The following TFAP2E variants were observed in gnomAD, a reference collection of about 807,000 sequenced individuals.
TFAP2E encodes the protein transcription factor AP-2 epsilon.
In TFAP2E, 30 loss-of-function variants were observed where a neutral mutation model predicts 37.9. The ratio of observed to expected loss-of-function variants is 0.79; its 90% confidence interval spans 0.59 to 1.07. The LOEUF (loss-of-function observed/expected upper bound fraction) is 1.07. Among genes scored for constraint, TFAP2E ranks in the 50% least tolerant of loss-of-function variants. TFAP2E has a pLI of 0.00. For synonymous variants in TFAP2E, 318 were observed against 295.8 expected (o/e 1.08, Z -0.77); for missense variants, 567 against 637.9 (o/e 0.89, Z 1.20).
intron 4 of TFAP2E, among the ~76,000 whole-genome samples, chr1:35,589,697 T>C (rs1649596296): frequency 6.6e-6 from 1 of 151,430 alleles, no homozygotes; most frequent in Admixed American, 6.6e-5. Context: ...AGGATTAGAG[T>C]GAACTGAGGG....
chr1:35,576,114 G>A (rs1649162644), intron 3 of TFAP2E, among the ~76,000 whole-genome samples: 1 of 152,236 alleles, frequency 6.6e-6, no homozygotes, highest in South Asian at 2.1e-4. Context: ...TTTTTCAAAC[G>A]AGTGAATTCA....
At chr1:35,583,603 AGTGTGTGTGTGTGTGTGTGTGT>A (rs201106841) in intron 3 of TFAP2E, among the ~76,000 whole-genome samples, 1 of 137,914 alleles carries the variant, frequency 7.3e-6, no homozygotes, top group African/African-American at 2.6e-5. Context: ...TGTCTGCAGG[AGTGTGTGTGTGTGTGTGTGTGT>A]GTGTGTGTGT....
At chr1:35,593,201 A>G (rs1649738379) in intron 6 of TFAP2E, among the ~76,000 whole-genome samples, 1 of 151,846 alleles carries the variant, frequency 6.6e-6, no homozygotes, top group Admixed American at 6.6e-5. Flanking sequence ...ATTAGCCAGG[A>G]GTGATGGTGC....
chr1:35,573,850 A>G lies in TFAP2E; in HGVS notation c.28-77A>G. On this transcript the variant is annotated intron_variant, in intron 1 of 6. Coordinates refer to ENST00000373235, the MANE Select transcript of TFAP2E (RefSeq NM_178548.4). This position sits in a 1 kb window ranked among gnomAD's most constrained non-coding sequence, Gnocchi z 5.9. The stretch of plus-strand genomic sequence containing the variant: ...GAGGGACTGCAGCTGAACCCTCCCG[A>G]GCTGAGGAGGATCCTTTCAGGCTGG... 7.2e-7 allele frequency: 1 copy of G among 1,396,158 alleles called. No individual in the cohort carries two copies. Among genetic ancestry groups the G allele is most frequent in the East Asian group, 2.9e-5 (1 of 34,134 alleles). The allele number at this position is 1,396,158 out of a possible 1,614,324, so 86.5% of individuals were successfully genotyped here.
At chr1:35,585,194 A>G (rs1649451713) in intron 3 of TFAP2E, among the ~76,000 whole-genome samples, 1 of 152,104 alleles carries the variant, frequency 6.6e-6, no homozygotes, top group African/African-American at 2.4e-5. Context: ...GGGAGTCACT[A>G]CATCCCAGGA....
rs1201668887 is a variant in TFAP2E at position 35,590,291 on chromosome 1, T to G, written c.904+243T>G. On this transcript the variant is annotated intron_variant, in intron 5 of 6. Coordinates refer to ENST00000373235, the MANE Select transcript of TFAP2E (RefSeq NM_178548.4). The surrounding 1 kb of genome is among the most constrained non-coding windows in gnomAD (Gnocchi z 6.2). ...TACTTGCAGTGTGCGGATGTGTATG[T>G]GGGTGTGGGTGTGGGTGTGTGGGTG... 6.6e-6 allele frequency among the ~76,000 whole-genome samples: 1 copy of G among 150,480 alleles called. No homozygotes were observed. The highest frequency in any genetic ancestry group is 2.4e-5 in the African/African-American group (1 of 41,264).
intron 3 of TFAP2E, among the ~76,000 whole-genome samples, chr1:35,576,759 A>G (rs1406989402): frequency 6.6e-6 from 1 of 152,216 alleles, no homozygotes; most frequent in African/African-American, 2.4e-5. Flanking sequence ...CAAAACTCCT[A>G]GATCCTAGGG....
intron 3 of TFAP2E, among the ~76,000 whole-genome samples, chr1:35,578,179 G>A (rs149089699): frequency 1.3e-5 from 2 of 152,150 alleles, no homozygotes; most frequent in Non-Finnish European, 2.9e-5. Context: ...CATTGAAAGA[G>A]GGGGTGTGTA....
At chr1:35,593,314 C>T (rs181106494) in intron 6 of TFAP2E, among the ~76,000 whole-genome samples, 15 of 151,840 alleles carry the variant, frequency 9.9e-5, no homozygotes, top group Admixed American at 7.2e-4. Context: ...GACCTTGTCT[C>T]GGAAAAAAAA....
rs1275084723 is a variant in TFAP2E at position 35,577,090 on chromosome 1, T to C, written c.562+2090T>C. Among the ~76,000 whole-genome samples, 1 of 152,196 alleles carries C rather than the reference T, an allele frequency of 6.6e-6. No individual in the cohort carries two copies. The highest frequency in any genetic ancestry group is 2.4e-5 in the African/African-American group (1 of 41,448). On this transcript the variant is annotated intron_variant, in intron 3 of 6. Coordinates refer to ENST00000373235, the MANE Select transcript of TFAP2E (RefSeq NM_178548.4). The surrounding 1 kb of genome is among the most constrained non-coding windows in gnomAD (Gnocchi z 6.3). ...TGGAGCGAGTGGAGCGCTGGCGACC[T>C]GAGCGGAGACTGCGCCCTGGACGCC...
At position 35,589,188 on chromosome 1, in the gene TFAP2E, CTGTGTGTGTGTG is replaced by C. The variant is rs757213879; in HGVS notation, c.785+673_785+684del. On this transcript the variant is annotated intron_variant, in intron 4 of 6. Coordinates refer to ENST00000373235, the MANE Select transcript of TFAP2E (RefSeq NM_178548.4). ...TGTGTGGCCTAGGGTGTGTCCTGCT[CTGTGTGTGTGTG>C]TGTGTGTGTGTGTGTGTGTGTGTGT... is the stretch of plus-strand genomic sequence containing the variant. Among the ~76,000 whole-genome samples, 887 of 126,016 alleles carry C rather than the reference CTGTGTGTGTGTG, an allele frequency of 7.0e-3. 4 individuals carry two copies. Among genetic ancestry groups the C allele is most frequent in the East Asian group, 0.013 (55 of 4,250 alleles). The allele number at this position is 126,016 out of a possible 152,430, so 82.7% of individuals were successfully genotyped here. A position where few individuals can be genotyped will look rare whatever the true frequency, so the allele number is the denominator to read the frequency against.
At chr1:35,579,607 C>T (rs908450320) in intron 3 of TFAP2E, among the ~76,000 whole-genome samples, 2 of 152,042 alleles carry the variant, frequency 1.3e-5, no homozygotes, top group African/African-American at 4.8e-5. Flanking sequence ...GTTGGCCAGG[C>T]TGGTCTTGAA....
Position 35,577,295 on chromosome 1 carries a change from GC to G in TFAP2E, c.562+2298del. ...CCTGGAGCCGCCCCTCCCCACACCT[GC>G]CCTCGGCGCCCCCAGCAGTTTTCAC... On this transcript the variant is annotated intron_variant, in intron 3 of 6. Coordinates refer to ENST00000373235, the MANE Select transcript of TFAP2E (RefSeq NM_178548.4). The surrounding 1 kb of genome is among the most constrained non-coding windows in gnomAD (Gnocchi z 6.3). 2.3e-6 allele frequency: 1 copy of G among 444,066 alleles called. No homozygotes were observed. Among genetic ancestry groups the G allele is most frequent in the Non-Finnish European group, 4.6e-6 (1 of 219,112 alleles). The allele number at this position is 444,066 out of a possible 1,614,324, so 27.5% of individuals were successfully genotyped here. A position where few individuals can be genotyped will look rare whatever the true frequency, so the allele number is the denominator to read the frequency against.
intron 3 of TFAP2E, among the ~76,000 whole-genome samples, chr1:35,584,824 G>A (rs890844632): frequency 3.9e-5 from 6 of 152,118 alleles, no homozygotes; most frequent in Non-Finnish European, 8.8e-5. Context: ...GTGAGCCACC[G>A]TGCCTGGCCT....
intron 3 of TFAP2E, among the ~76,000 whole-genome samples, chr1:35,576,810 A>G (rs1371023442): frequency 6.6e-6 from 1 of 152,230 alleles, no homozygotes; most frequent in African/African-American, 2.4e-5. Context: ...GAACACAACG[A>G]GAGTCCTAAC....
intron 3 of TFAP2E, among the ~76,000 whole-genome samples, chr1:35,585,148 G>A (rs1386406261): frequency 6.6e-6 from 1 of 152,100 alleles, no homozygotes; most frequent in African/African-American, 2.4e-5. Context: ...CCTGAGAACC[G>A]AAGGAGCACT....
intron 3 of TFAP2E, among the ~76,000 whole-genome samples, chr1:35,575,230 ACTGGGAGC>A (rs1319316631): frequency 3.3e-5 from 5 of 152,212 alleles, no homozygotes; most frequent in Non-Finnish European, 7.3e-5. Flanking sequence ...GGGCTGCAGC[ACTGGGAGC>A]CTGGCCTCTC....
At chr1:35,587,600 T>C (rs1012799765) in intron 3 of TFAP2E, among the ~76,000 whole-genome samples, 1 of 126,550 alleles carries the variant, frequency 7.9e-6, no homozygotes, top group African/African-American at 3.3e-5. Flanking sequence ...ATGGTACCAC[T>C]GCACTCCAGC....
Position 35,574,009 on chromosome 1 carries a change from C to A in TFAP2E, c.110C>A (p.Pro37Gln). Residue 37 changes from proline to glutamine, a missense_variant, in exon 2 of 7, where the codon CCG (proline) becomes CAG (glutamine). This residue lies in a region of TFAP2E where 312 missense variants were observed against 317.4 expected (regional missense o/e 0.98). Transcript: ENST00000373235. ...CAGGCGGCCTACGGGCCGGCGCCCCCGCTCTGCCACACGCCGGCCGCCACA... is the reference window on the plus strand; with the variant it reads ...CAGGCGGCCTACGGGCCGGCGCCCCAGCTCTGCCACACGCCGGCCGCCACA... The part of the protein sequence containing the change: ...LPQAAYGPAP[P>Q]LCHTPAATAA... The A allele has an allele frequency of 3.4e-6, 5 of 1,489,034 alleles. No individual in the cohort carries two copies. The highest frequency in any genetic ancestry group is 1.3e-5 in the South Asian group (1 of 79,934). 92.2% of individuals were successfully genotyped at this position (1,489,034 alleles called of 1,614,324 possible).
Sources: gnomAD v4.1 joint callset for allele counts (sites outside exome capture counted in the v4.1 genomes callset) on GRCh38, gnomAD v4.1.1 for gene constraint, gnomAD v4.1.1 regional missense constraint, Gnocchi (gnomAD v3.1) non-coding constraint, MANE v1.5 for transcripts, NCBI Gene and HGNC (gene_info 2026-07-23, HGNC 2026-07-21) for gene names.